The following SNX14 variants were observed in gnomAD, a reference collection of about 807,000 sequenced individuals.
SNX14 encodes sorting nexin-14.
A neutral mutation model predicts 133.8 loss-of-function variants in SNX14; 93 were observed. The ratio of observed to expected loss-of-function variants is 0.70; its 90% CI spans 0.59 to 0.83. The LOEUF (loss-of-function observed/expected upper bound fraction) is 0.83. SNX14 is among the 40% of genes least tolerant of loss of function. The pLI is 0.00. For synonymous variants in SNX14, 368 were observed against 365.6 expected (o/e 1.01, Z -0.07); for missense variants, 945 against 1,094.9 (o/e 0.86, Z 1.93).
chr6:85,506,598 G>A (rs766683881), intron 28 of SNX14, among the ~76,000 whole-genome samples: 1 of 152,278 alleles, frequency 6.6e-6, no homozygotes, highest in African/African-American at 2.4e-5. Context: ...TTACAGGCGT[G>A]AGCCACCGTG....
At position 85,532,843 on chromosome 6, in the gene SNX14, T is replaced by C. The variant is rs761783044; in HGVS notation, c.1810+756A>G. On this transcript the variant is annotated intron_variant, in intron 18 of 28. Coordinates refer to ENST00000314673, the MANE Select transcript of SNX14 (RefSeq NM_153816.6). ...CCTGACATAACCGAAAGAAAAAATATGTCAAAACATGAAGAAGCTTGTAAA... is the reference window on the plus strand; with the variant it reads ...CCTGACATAACCGAAAGAAAAAATACGTCAAAACATGAAGAAGCTTGTAAA... Among the ~76,000 whole-genome samples the C allele has an allele frequency of 6.6e-5, 10 of 152,302 alleles. No homozygotes were observed. The East Asian group carries it at 7.7e-4, about 12-fold the overall frequency.
At chr6:85,558,086 T>A (rs754604893) in intron 6 of SNX14, 26 bp from the exon 7 acceptor site, 3 of 1,147,388 alleles carry the variant, frequency 2.6e-6, no homozygotes, top group Non-Finnish European at 3.9e-6. Context: ...ATTAAAACTT[T>A]TAAAATAATT....
At chr6:85,554,712 A>G (rs1562318655) in intron 7 of SNX14, among the ~76,000 whole-genome samples, 1 of 152,150 alleles carries the variant, frequency 6.6e-6, no homozygotes, top group Non-Finnish European at 1.5e-5. Flanking sequence ...GTGACTTTAT[A>G]ATTGAGGATG....
intron 12 of SNX14, 118 bp downstream of exon 12, chr6:85,546,994 G>T: frequency 1.1e-4 from 64 of 569,782 alleles, no homozygotes; most frequent in Middle Eastern, 3.3e-4. Context: ...AGGAAATCGA[G>T]TATATGAAAT....
In SNX14 at chr6:85,530,299, T is replaced by A; in HGVS notation, c.1811-24A>T. On this transcript the variant is annotated intron_variant, in intron 18 of 28. Transcript: ENST00000314673. Reference sequence around the variant, plus strand: ...AACTGTAAATTGAGTACACACACACTGAGTAACAAATAATTTCAAAACCTA... The same window carrying A: ...AACTGTAAATTGAGTACACACACACAGAGTAACAAATAATTTCAAAACCTA... 1.4e-6 allele frequency: 2 copies of A among 1,380,684 alleles called. 1 individual carries two copies. Among genetic ancestry groups the A allele is most frequent in the South Asian group, 2.5e-5 (2 of 79,094 alleles). The allele number at this position is 1,380,684 out of a possible 1,614,324, so 85.5% of individuals were successfully genotyped here.
chr6:85,593,532 C>T, intron 1 of SNX14, 47 bp downstream of exon 1: 2 of 1,574,054 alleles, frequency 1.3e-6, no homozygotes, highest in African/African-American at 1.3e-5. Context: ...CGGGCGTCTG[C>T]ACCTTCGGAG....
chr6:85,524,139 A>G (rs1209056069), intron 21 of SNX14, among the ~76,000 whole-genome samples: 2 of 150,868 alleles, frequency 1.3e-5, no homozygotes, highest in East Asian at 4.0e-4. Context: ...CCAAGATGGC[A>G]CCACTGCACT....
intron 1 of SNX14, among the ~76,000 whole-genome samples, chr6:85,583,550 A>G (rs1311565575): frequency 6.6e-6 from 1 of 152,252 alleles, no homozygotes; most frequent in Non-Finnish European, 1.5e-5. Flanking sequence ...CAACTTCAGC[A>G]AAGTCTCAGG....
intron 6 of SNX14, among the ~76,000 whole-genome samples, chr6:85,564,183 T>G (rs1371655518): frequency 6.6e-6 from 1 of 152,234 alleles, no homozygotes; most frequent in African/African-American, 2.4e-5. Context: ...GATGGACATT[T>G]GGGTTGGTTC....
intron 5 of SNX14, 117 bp downstream of exon 5, chr6:85,567,417 G>T: frequency 1.3e-6 from 1 of 756,142 alleles, no homozygotes; most frequent in Non-Finnish European, 2.1e-6. Context: ...TTGGCTAAAA[G>T]GTCAACAATG....
intron 4 of SNX14, among the ~76,000 whole-genome samples, chr6:85,569,109 T>C (rs1794805782): frequency 6.6e-6 from 1 of 152,154 alleles, no homozygotes; most frequent in African/African-American, 2.4e-5. Context: ...ATTATAGGCA[T>C]GTGCCACCAC....
Position 85,514,229 on chromosome 6 carries a change from C to T in SNX14, c.2398G>A (p.Val800Ile). The change falls in exon 25 of 29, where the codon GTA becomes ATA. Residue 800 changes from valine (V) to isoleucine (I), a missense_variant. Transcript: ENST00000314673. Reference protein sequence around the residue: ...VYDYLMYVGRVVFQVPDWLHH... With the variant: ...VYDYLMYVGRIVFQVPDWLHH... ...AGCCAGTCAGGAACCTGGAAAACTA[C>T]CCGTCCTGAGAAAGGATCAAATGGG... 2 of 1,609,988 alleles carry T rather than the reference C, an allele frequency of 1.2e-6. No homozygotes were observed. Among genetic ancestry groups the T allele is most frequent in the Middle Eastern group, 1.7e-4 (1 of 6,038 alleles).
intron 1 of SNX14, among the ~76,000 whole-genome samples, chr6:85,582,739 G>C (rs1297137214): frequency 6.6e-6 from 1 of 152,120 alleles, no homozygotes; most frequent in Non-Finnish European, 1.5e-5. Flanking sequence ...TTGAATCCCT[G>C]AATAGGCCAA....
At chr6:85,508,515 T>C in intron 26 of SNX14, 1 of 346,724 alleles carries the variant, frequency 2.9e-6, no homozygotes, top group Non-Finnish European at 4.1e-6. Context: ...GGGCAGAAGA[T>C]AGCTTCTACT....
intron 7 of SNX14, among the ~76,000 whole-genome samples, chr6:85,557,540 A>G (rs1790160138): frequency 6.6e-6 from 1 of 152,238 alleles, no homozygotes; most frequent in Admixed American, 6.5e-5. Flanking sequence ...ACTAGATAGA[A>G]AAGGATTTAA....
chr6:85,529,416 G>A (rs1395452885), intron 19 of SNX14, among the ~76,000 whole-genome samples: 1 of 151,768 alleles, frequency 6.6e-6, no homozygotes, highest in Non-Finnish European at 1.5e-5. Context: ...AAGGAAGGAA[G>A]CAAGCATGAA....
At chr6:85,575,826 T>C (rs1460921190) in intron 1 of SNX14, among the ~76,000 whole-genome samples, 1 of 152,194 alleles carries the variant, frequency 6.6e-6, no homozygotes, top group Non-Finnish European at 1.5e-5. Flanking sequence ...GGATAAAACA[T>C]TGAAAGTTGA....
Position 85,593,779 on chromosome 6 carries a change from C to CGAG in SNX14, c.-62_-61insCTC. 1 of 1,579,524 alleles carries CGAG rather than the reference C, an allele frequency of 6.3e-7. No homozygotes were observed. Among genetic ancestry groups the CGAG allele is most frequent in the Non-Finnish European group, 8.6e-7 (1 of 1,166,828 alleles). On this transcript the variant is annotated 5_prime_UTR_variant, in exon 1 of 29. It removes an upstream start codon present in the reference 5' UTR. Coordinates refer to ENST00000314673, the MANE Select transcript of SNX14 (RefSeq NM_153816.6). ...TGAGGCAGAGGTCAAGGCGACCCCC[C>CGAG]ATCCACACCTCGCGTCCCCGCCCCA...
intron 1 of SNX14, chr6:85,589,518 C>T (rs148074707): frequency 6.5e-6 from 1 of 153,534 alleles, no homozygotes; most frequent in East Asian, 1.9e-4. Context: ...GCATTTGGCC[C>T]CTGGCACTGT....
Sources: gnomAD v4.1 joint callset for allele counts (sites outside exome capture counted in the v4.1 genomes callset) on GRCh38, gnomAD v4.1.1 for gene constraint, MANE v1.5 for transcripts, NCBI Gene and HGNC (gene_info 2026-07-23, HGNC 2026-07-21) for gene names.